CACNA2D2: variants seen among roughly 807,000 people sequenced by gnomAD.
CACNA2D2 encodes the protein calcium voltage-gated channel auxiliary subunit alpha2delta 2.
In CACNA2D2, 48 loss-of-function variants were observed where a neutral mutation model predicts 166.4. That is an observed-to-expected ratio of 0.29 (90% CI 0.23 to 0.37). The LOEUF is 0.37. Among genes scored for constraint, CACNA2D2 ranks in the 10% least tolerant of loss-of-function variants. The probability of loss-of-function intolerance (pLI) is 1.00; values close to 1 mark genes in which losing one functional copy is unlikely to be tolerated. For synonymous variants in CACNA2D2, 561 were observed against 573.7 expected (o/e 0.98, Z 0.32); for missense variants, 1,122 against 1,433.0 (o/e 0.78, Z 3.50).
intron 3 of CACNA2D2, among the ~76,000 whole-genome samples, chr3:50,422,100 G>A (rs1027326534): frequency 6.6e-6 from 1 of 151,996 alleles, no homozygotes; most frequent in African/African-American, 2.4e-5. Context: ...GAGCTGTCAC[G>A]GACCATCCCT....
Position 50,364,634 on chromosome 3 carries a change from G to C in CACNA2D2, c.*32C>G, listed in dbSNP as rs1044915542. 2.0e-6 allele frequency: 3 copies of C among 1,486,676 alleles called. No individual in the cohort carries two copies. In the Admixed American group the frequency reaches 7.4e-5, roughly 37 times the overall value. 92.1% of individuals were successfully genotyped at this position (1,486,676 alleles called of 1,614,324 possible). A position where few individuals can be genotyped will look rare whatever the true frequency, so the allele number is the denominator to read the frequency against. On this transcript the variant is annotated 3_prime_UTR_variant, in exon 38 of 38. Coordinates refer to ENST00000424201, the MANE Select transcript of CACNA2D2 (RefSeq NM_006030.4). ...TGGGAAAGGCGAAGAGGCCGGGTGA[G>C]GTGGGAGTGGAGGTGGGGTGGGGCA...
chr3:50,391,429 C>T (rs1000114148), intron 4 of CACNA2D2, among the ~76,000 whole-genome samples: 14 of 152,226 alleles, frequency 9.2e-5, no homozygotes, highest in African/African-American at 2.9e-4. Flanking sequence ...AAGTGTGGTC[C>T]GGCAGGTGGC....
chr3:50,387,391 G>A (rs1385123373), intron 5 of CACNA2D2, among the ~76,000 whole-genome samples, 177 bp downstream of exon 5: 2 of 152,228 alleles, frequency 1.3e-5, no homozygotes, highest in African/African-American at 4.8e-5. Flanking sequence ...GCACAGAGAT[G>A]CAGCCCTGGA....
Position 50,364,608 on chromosome 3 carries a change from G to A in CACNA2D2, c.*58C>T, listed in dbSNP as rs1289452150. 6.9e-6 allele frequency: 10 copies of A among 1,450,326 alleles called. No individual in the cohort carries two copies. Among genetic ancestry groups the A allele is most frequent in the Non-Finnish European group, 9.1e-6 (10 of 1,101,124 alleles). The allele number at this position is 1,450,326 out of a possible 1,614,324, so 89.8% of individuals were successfully genotyped here. A position where few individuals can be genotyped will look rare whatever the true frequency, so the allele number is the denominator to read the frequency against. ...AAGGCGGGGAGTGTGGGGCAGGAGG[G>A]TGGGAAAGGCGAAGAGGCCGGGTGA... is the stretch of plus-strand genomic sequence containing the variant. On this transcript the variant is annotated 3_prime_UTR_variant, in exon 38 of 38. Coordinates refer to ENST00000424201, the MANE Select transcript of CACNA2D2 (RefSeq NM_006030.4).
intron 3 of CACNA2D2, among the ~76,000 whole-genome samples, chr3:50,430,993 C>T (rs948718883): frequency 2.6e-5 from 4 of 152,154 alleles, no homozygotes; most frequent in African/African-American, 4.8e-5. Flanking sequence ...TGGAGAAACT[C>T]GTTACAAACA....
In CACNA2D2 at chr3:50,380,180, C is replaced by T. The variant is rs140560638; in HGVS notation, c.843-162G>A. Among the ~76,000 whole-genome samples, 19 of 152,352 alleles carry T rather than the reference C, an allele frequency of 1.2e-4. No homozygotes were observed. The highest frequency in any genetic ancestry group is 2.4e-4 in the Non-Finnish European group (16 of 68,036). ...GATACCACATTTAACGAAACAGACA[C>T]AGTCCTTGCCCATGACATGAATGGT... is the stretch of plus-strand genomic sequence containing the variant. On this transcript the variant is annotated intron_variant, in intron 8 of 37. Coordinates refer to ENST00000424201, the MANE Select transcript of CACNA2D2 (RefSeq NM_006030.4). This position sits in a 1 kb window ranked among gnomAD's most constrained non-coding sequence, Gnocchi z 4.9.
intron 3 of CACNA2D2, among the ~76,000 whole-genome samples, chr3:50,432,428 T>C (rs1257554784): frequency 2.0e-5 from 3 of 152,158 alleles, no homozygotes; most frequent in Admixed American, 6.5e-5. Flanking sequence ...CAGGGCTGGG[T>C]GCCCACATTT....
At chr3:50,394,949 C>T (rs1706073844) in intron 3 of CACNA2D2, among the ~76,000 whole-genome samples, 1 of 152,184 alleles carries the variant, frequency 6.6e-6, no homozygotes, top group South Asian at 2.1e-4. Context: ...GGGCTCGGGA[C>T]CTCAGGGAAG....
At chr3:50,493,420 A>T (rs1698598685) in intron 1 of CACNA2D2, among the ~76,000 whole-genome samples, 1 of 152,210 alleles carries the variant, frequency 6.6e-6, no homozygotes, top group South Asian at 2.1e-4. Context: ...CAGAGGAGAC[A>T]TCTCTTCCAT....
chr3:50,394,353 C>T (rs1706042168), intron 3 of CACNA2D2, among the ~76,000 whole-genome samples, 185 bp from the exon 4 acceptor site: 2 of 152,140 alleles, frequency 1.3e-5, no homozygotes, highest in African/African-American at 4.8e-5. Flanking sequence ...GTGTGGGCAC[C>T]TCCTTGACCA....
chr3:50,465,341 G>A (rs569195266), intron 2 of CACNA2D2, among the ~76,000 whole-genome samples: 2 of 152,342 alleles, frequency 1.3e-5, no homozygotes, highest in East Asian at 1.9e-4. Context: ...ATTCCACACT[G>A]GTAGATGGAG....
Position 50,470,977 on chromosome 3 carries a change from T to C in CACNA2D2, c.288+5141A>G, listed in dbSNP as rs559220992. ...GGACGGAATAATAAGACAATTAACT[T>C]TCCATTAAAGAATAATATATGTGGG... On this transcript the variant is annotated intron_variant, in intron 2 of 37. Transcript: ENST00000424201. Among the ~76,000 whole-genome samples, 12 of 152,118 alleles carry C rather than the reference T, an allele frequency of 7.9e-5. 1 individual carries two copies. Among genetic ancestry groups the C allele is most frequent in the Admixed American group, 7.9e-4 (12 of 15,282 alleles).
In CACNA2D2 at chr3:50,434,372, C is replaced by A. The variant is rs571104072; in HGVS notation, c.346G>T (p.Val116Leu). 6.2e-7 allele frequency: 1 copy of A among 1,614,182 alleles called. No individual in the cohort carries two copies. Among genetic ancestry groups the A allele is most frequent in the African/African-American group, 1.3e-5 (1 of 75,038 alleles). Reference protein sequence around the residue: ...EVQENEPQKLVEKVAGDIESL... With the variant: ...EVQENEPQKLLEKVAGDIESL... The stretch of plus-strand genomic sequence containing the variant: ...TCAATGTCCCCTGCCACCTTCTCCA[C>A]CAACTTCTGAGGCTCATTCTCCTGT... Residue 116 changes from valine (V) to leucine (L), a missense_variant, in exon 3 of 38, where the codon GTG (valine) becomes TTG (leucine). Physicochemically the swap from Val to Leu is conservative, Grantham distance 32. Coordinates refer to ENST00000424201, the MANE Select transcript of CACNA2D2 (RefSeq NM_006030.4).
chr3:50,379,648 C>T lies in CACNA2D2; in HGVS notation c.994-58G>A. The T allele has an allele frequency of 3.1e-6, 5 of 1,611,906 alleles. No individual in the cohort carries two copies. The highest frequency in any genetic ancestry group is 2.2e-5 in the East Asian group (1 of 44,864). On this transcript the variant is annotated intron_variant, in intron 10 of 37. Coordinates refer to ENST00000424201, the MANE Select transcript of CACNA2D2 (RefSeq NM_006030.4). The surrounding 1 kb of genome is among the most constrained non-coding windows in gnomAD (Gnocchi z 6.5). ...GGCTGGCCGGGGTAGGCAGCTATTG[C>T]ATGGGGCTGGTGATGGTCACAGGAG...
intron 3 of CACNA2D2, among the ~76,000 whole-genome samples, chr3:50,431,290 C>T (rs1373078481): frequency 6.6e-6 from 1 of 151,986 alleles, no homozygotes; most frequent in Non-Finnish European, 1.5e-5. Flanking sequence ...AGCTCATCTT[C>T]AACAATTAGG....
chr3:50,412,909 AC>A (rs763280942), intron 3 of CACNA2D2, among the ~76,000 whole-genome samples: 17 of 151,578 alleles, frequency 1.1e-4, no homozygotes, highest in Non-Finnish European at 2.4e-4. Flanking sequence ...GGTGCTGGGC[AC>A]CCCCTCCCTG....
At chr3:50,392,451 C>A (rs1203397779) in intron 4 of CACNA2D2, among the ~76,000 whole-genome samples, 1 of 152,198 alleles carries the variant, frequency 6.6e-6, no homozygotes. Flanking sequence ...GGCCGGCAGG[C>A]ACCCGGTGGG....
chr3:50,377,919 A>G (rs2106651589), intron 15 of CACNA2D2, 89 bp downstream of exon 15: 1 of 1,505,730 alleles, frequency 6.6e-7, no homozygotes. Context: ...GGTTTACCCC[A>G]TAAGGGGGCC....
At chr3:50,412,893 T>C (rs935137497) in intron 3 of CACNA2D2, among the ~76,000 whole-genome samples, 2 of 152,118 alleles carry the variant, frequency 1.3e-5, no homozygotes, top group African/African-American at 4.8e-5. Flanking sequence ...CATCTCAGCC[T>C]GGGGGGGTGC....
Sources: allele counts gnomAD v4.1 joint callset (sites outside exome capture counted in the v4.1 genomes callset), GRCh38; gene constraint gnomAD v4.1.1; non-coding constraint Gnocchi (gnomAD v3.1); transcripts MANE v1.5; gene names NCBI Gene and HGNC (gene_info 2026-07-23, HGNC 2026-07-21).